Variants in RAB31 observed in about 807,000 individuals in gnomAD.
RAB31 encodes the protein RAB31, member RAS oncogene family.
Under a neutral mutation model 25.6 loss-of-function variants are expected in RAB31, and 21 were observed. That is an observed-to-expected ratio of 0.82 (90% CI 0.58 to 1.18). The LOEUF (loss-of-function observed/expected upper bound fraction) is 1.18, where lower values mean the gene tolerates loss of function less well. RAB31 is among the 50% of genes most tolerant of loss of function. RAB31 has a pLI of 0.00. For missense variants in RAB31, 196 were observed against 250.1 expected (o/e 0.78, Z 1.46); for synonymous variants, 87 against 84.0 (o/e 1.04, Z -0.20).
chr18:9,818,925 A>G (rs948273114), intron 5 of RAB31, among the ~76,000 whole-genome samples: 1 of 152,180 alleles, frequency 6.6e-6, no homozygotes, highest in Non-Finnish European at 1.5e-5. Context: ...CCATGTGTGT[A>G]TCTTCTTTGG....
intron 5 of RAB31, among the ~76,000 whole-genome samples, chr18:9,821,727 T>C (rs1471022668): frequency 6.6e-6 from 1 of 151,986 alleles, no homozygotes; most frequent in East Asian, 1.9e-4. Flanking sequence ...CCAAAGAAAA[T>C]GAAATACTTA....
chr18:9,823,175 C>G (rs954426867), intron 5 of RAB31, among the ~76,000 whole-genome samples: 2 of 151,976 alleles, frequency 1.3e-5, no homozygotes, highest in African/African-American at 4.8e-5. Flanking sequence ...TTTCACATTG[C>G]ATGGTTCCAT....
chr18:9,806,215 C>G (rs1204968926), intron 3 of RAB31, among the ~76,000 whole-genome samples: 5 of 151,896 alleles, frequency 3.3e-5, no homozygotes, highest in Non-Finnish European at 5.9e-5. Context: ...TTGGGCAATT[C>G]ACTTAACCAT....
chr18:9,759,824 T>C (rs1256011431), intron 1 of RAB31, among the ~76,000 whole-genome samples: 2 of 152,028 alleles, frequency 1.3e-5, no homozygotes, highest in Non-Finnish European at 2.9e-5. Context: ...CAAGTTTTTA[T>C]AAGGGGAAAG....
Position 9,809,136 on chromosome 18 carries a change from G to A in RAB31, c.202-4884G>A, listed in dbSNP as rs555330982. On this transcript the variant is annotated intron_variant, in intron 3 of 6. Transcript: ENST00000578921. Reference sequence around the variant, plus strand: ...GTGTAGTGCACACTACACGGAAGGCGAGAGCCTCCATCCTGAGCCTGTTTT... The same window carrying A: ...GTGTAGTGCACACTACACGGAAGGCAAGAGCCTCCATCCTGAGCCTGTTTT... 2.5e-4 allele frequency among the ~76,000 whole-genome samples: 38 copies of A among 152,340 alleles called. No homozygotes were observed. The South Asian group carries it at 7.5e-3, about 30-fold the overall frequency.
chr18:9,777,762 T>TC (rs1378828646), intron 2 of RAB31, among the ~76,000 whole-genome samples: 3 of 149,794 alleles, frequency 2.0e-5, no homozygotes, highest in African/African-American at 7.4e-5. Context: ...ACCTTTTTTT[T>TC]TTTTTTTTTT....
chr18:9,828,300 A>G (rs2143103131), intron 5 of RAB31, among the ~76,000 whole-genome samples: 1 of 152,308 alleles, frequency 6.6e-6, no homozygotes, highest in Middle Eastern at 3.4e-3. Flanking sequence ...ATTGCCAGGC[A>G]GTCAGAACAC....
intron 6 of RAB31, among the ~76,000 whole-genome samples, chr18:9,858,900 C>T (rs2068832560): frequency 6.6e-6 from 1 of 152,150 alleles, no homozygotes; most frequent in African/African-American, 2.4e-5. Context: ...GAGGGAAGAG[C>T]GCGCTGATGA....
At chr18:9,830,145 T>A (rs1399491171) in intron 5 of RAB31, among the ~76,000 whole-genome samples, 1 of 151,852 alleles carries the variant, frequency 6.6e-6, no homozygotes, top group East Asian at 1.9e-4. Flanking sequence ...GGACTATAGA[T>A]GTGCACCACC....
chr18:9,772,524 C>T (rs1236494883), intron 1 of RAB31, among the ~76,000 whole-genome samples: 1 of 152,110 alleles, frequency 6.6e-6, no homozygotes, highest in South Asian at 2.1e-4. Flanking sequence ...TATCTCCCCG[C>T]CAATGGGGTC....
chr18:9,838,831 C>T (rs1234508864), intron 5 of RAB31, among the ~76,000 whole-genome samples: 1 of 152,172 alleles, frequency 6.6e-6, no homozygotes, highest in Non-Finnish European at 1.5e-5. Context: ...CCCTCAAAGC[C>T]TCCCTCCCAG....
chr18:9,792,369 GAA>G, intron 3 of RAB31, 134 bp downstream of exon 3: 6 of 1,422,264 alleles, frequency 4.2e-6, no homozygotes, highest in Non-Finnish European at 5.6e-6. Context: ...TAAGCAAAAA[GAA>G]AATGTACTCA....
At chr18:9,796,876 T>G (rs917813796) in intron 3 of RAB31, among the ~76,000 whole-genome samples, 4 of 152,146 alleles carry the variant, frequency 2.6e-5, no homozygotes, top group Non-Finnish European at 5.9e-5. Flanking sequence ...ATACATGCTT[T>G]AAAAGACCTT....
chr18:9,854,652 A>G (rs576599460), intron 6 of RAB31, among the ~76,000 whole-genome samples: 1 of 152,218 alleles, frequency 6.6e-6, no homozygotes, highest in South Asian at 2.1e-4. Flanking sequence ...AGGGCCTTCT[A>G]GTAATCCTAA....
chr18:9,835,082 A>T (rs2068697308), intron 5 of RAB31, among the ~76,000 whole-genome samples: 1 of 152,168 alleles, frequency 6.6e-6, no homozygotes, highest in Non-Finnish European at 1.5e-5. Flanking sequence ...TCCTCTTCGT[A>T]TCTTATCAAC....
chr18:9,849,967 CA>C lies in RAB31; in HGVS notation c.490+4283del, dbSNP rs553311576. Among the ~76,000 whole-genome samples the C allele has an allele frequency of 5.8e-3, 883 of 152,116 alleles. 3 individuals are homozygous for C. Among genetic ancestry groups the C allele is most frequent in the African/African-American group, 0.02 (845 of 41,502 alleles). The stretch of plus-strand genomic sequence containing the variant: ...GTGCAGAGTGTCCAATTTACATTTA[CA>C]AAAAAAGATCACACTTAAAAGGAGG... On this transcript the variant is annotated intron_variant, in intron 6 of 6. Coordinates refer to ENST00000578921, the MANE Select transcript of RAB31 (RefSeq NM_006868.4).
chr18:9,768,649 C>T (rs761878373), intron 1 of RAB31, among the ~76,000 whole-genome samples: 1 of 152,126 alleles, frequency 6.6e-6, no homozygotes. Flanking sequence ...TGTAAGTTGC[C>T]TGTTCACTCT....
chr18:9,720,496 G>C (rs573861959), intron 1 of RAB31, among the ~76,000 whole-genome samples: 1 of 152,156 alleles, frequency 6.6e-6, no homozygotes, highest in East Asian at 1.9e-4. Flanking sequence ...GTCTGCTAAT[G>C]AACCAGAAGA....
At chr18:9,845,550 C>A in intron 5 of RAB31, 32 bp from the exon 6 acceptor site, 2 of 1,493,742 alleles carry the variant, frequency 1.3e-6, no homozygotes. Context: ...AACAAACATT[C>A]ATTTCCTGTC....
Sources: allele counts gnomAD v4.1 joint callset (sites outside exome capture counted in the v4.1 genomes callset), GRCh38; gene constraint gnomAD v4.1.1; transcripts MANE v1.5; gene names NCBI Gene and HGNC (gene_info 2026-07-23, HGNC 2026-07-21).